The following PDE9A variants were observed in gnomAD, a reference collection of about 807,000 sequenced individuals.
PDE9A encodes the protein high affinity cGMP-specific 3',5'-cyclic phosphodiesterase 9A.
Under a neutral mutation model 87.4 loss-of-function variants are expected in PDE9A, and 60 were observed. That is an observed-to-expected ratio of 0.69 (90% CI 0.56 to 0.85). The LOEUF is 0.85. PDE9A is among the 40% of genes least tolerant of loss of function. PDE9A has a pLI of 0.00. For synonymous variants in PDE9A, 272 were observed against 279.4 expected (o/e 0.97, Z 0.27); for missense variants, 665 against 779.0 (o/e 0.85, Z 1.74).
chr21:42,758,923 G>A (rs1480856595), intron 10 of PDE9A, 76 bp from the exon 11 acceptor site: 1 of 1,132,356 alleles, frequency 8.8e-7, no homozygotes, highest in East Asian at 2.4e-5. Context: ...TCCGAGGACA[G>A]CAGAGGGAAG....
intron 1 of PDE9A, among the ~76,000 whole-genome samples, chr21:42,674,316 C>CT (rs34238765): frequency 0.31 from 41,263 of 134,494 alleles, 7,781 homozygotes; most frequent in Admixed American, 0.44. Flanking sequence ...TTTAGACATT[C>CT]TTTTTTTTTT....
At chr21:42,709,211 C>G (rs968999806) in intron 4 of PDE9A, among the ~76,000 whole-genome samples, 4 of 152,118 alleles carry the variant, frequency 2.6e-5, no homozygotes, top group African/African-American at 9.7e-5. Context: ...AACAGAAAAC[C>G]AAACACCACA....
At chr21:42,721,105 A>G (rs2050477699) in intron 4 of PDE9A, among the ~76,000 whole-genome samples, 1 of 152,116 alleles carries the variant, frequency 6.6e-6, no homozygotes, top group Admixed American at 6.5e-5. Context: ...ACCTTGATCT[A>G]TACAACAGTA....
chr21:42,702,190 G>C lies in PDE9A; in HGVS notation c.262+3179G>C, dbSNP rs1342461805. 3.3e-5 allele frequency among the ~76,000 whole-genome samples: 5 copies of C among 151,004 alleles called. No homozygotes were observed. The highest frequency in any genetic ancestry group is 2.1e-4 in the South Asian group (1 of 4,750). ...TTTTCTGTTTGCTTTATTTTTCTTA[G>C]ACTTTTCCGTGACGTCTTCCATTGC... is the stretch of plus-strand genomic sequence containing the variant. On this transcript the variant is annotated intron_variant, in intron 4 of 19. Transcript: ENST00000291539. This position sits in a 1 kb window ranked among gnomAD's most constrained non-coding sequence, Gnocchi z 4.9.
At chr21:42,657,024 C>G (rs566841747) in intron 1 of PDE9A, among the ~76,000 whole-genome samples, 1 of 152,340 alleles carries the variant, frequency 6.6e-6, no homozygotes, top group Non-Finnish European at 1.5e-5. Context: ...AAGGCAACTA[C>G]AAATGATAAA....
rs558174376 is a variant in PDE9A at position 42,705,359 on chromosome 21, A to G, written c.262+6348A>G. The stretch of plus-strand genomic sequence containing the variant: ...ACTTTTATTTGATGTAAGCCGCTCA[A>G]ACTCAAAGAGTGTTGTTTTCCAGAT... On this transcript the variant is annotated intron_variant, in intron 4 of 19. Coordinates refer to ENST00000291539, the MANE Select transcript of PDE9A (RefSeq NM_002606.3). This position sits in a 1 kb window ranked among gnomAD's most constrained non-coding sequence, Gnocchi z 4.3. Among the ~76,000 whole-genome samples the G allele has an allele frequency of 5.3e-4, 81 of 152,326 alleles. 1 individual carries two copies. The highest frequency in any genetic ancestry group is 1.8e-3 in the African/African-American group (74 of 41,570).
intron 19 of PDE9A, among the ~76,000 whole-genome samples, chr21:42,773,579 G>A (rs770137639): frequency 6.6e-6 from 1 of 152,124 alleles, no homozygotes; most frequent in Admixed American, 6.5e-5. Context: ...AGGCCAAGGC[G>A]GCGGATCACG....
intron 7 of PDE9A, chr21:42,734,141 C>T (rs2052132287): frequency 6.6e-6 from 1 of 152,062 alleles, no homozygotes; most frequent in African/African-American, 2.4e-5. Flanking sequence ...GCCAATCAAA[C>T]CTCTTTTGCT....
intron 19 of PDE9A, 144 bp downstream of exon 19, chr21:42,772,664 G>A (rs967797018): frequency 9.8e-6 from 6 of 613,706 alleles, no homozygotes; most frequent in South Asian, 1.9e-5. Context: ...ACTAAGTCTC[G>A]CTCTTGTTGC....
intron 15 of PDE9A, 76 bp from the exon 16 acceptor site, chr21:42,768,112 A>C (rs962100722): frequency 6.8e-6 from 6 of 885,810 alleles, no homozygotes; most frequent in Admixed American, 5.2e-5. Context: ...CTGTAATGGC[A>C]AGTCCAGACC....
chr21:42,726,269 T>A (rs1273862204), intron 4 of PDE9A, among the ~76,000 whole-genome samples: 1 of 152,176 alleles, frequency 6.6e-6, no homozygotes, highest in Non-Finnish European at 1.5e-5. Context: ...GCTTGTCTTG[T>A]CATCCTCTTA....
chr21:42,715,179 G>A (rs962921638), intron 4 of PDE9A, among the ~76,000 whole-genome samples: 1 of 136,420 alleles, frequency 7.3e-6, no homozygotes, highest in African/African-American at 2.8e-5. Context: ...GTTACAATAT[G>A]CATCTTTACT....
At chr21:42,731,979 C>T (rs370797272) in intron 5 of PDE9A, 30 bp downstream of exon 5, 76 of 1,611,752 alleles carry the variant, frequency 4.7e-5, no homozygotes, top group Non-Finnish European at 6.2e-5. Context: ...CCACAGCCTC[C>T]ACCCCCCAAC....
In PDE9A at chr21:42,723,821, A is replaced by G. The variant is rs551496248; in HGVS notation, c.263-7949A>G. ...CCAGAGGGACCCTAAAGACCCTGTC[A>G]TGTCCCCCTGTGAATTACCAGCATC... is the stretch of plus-strand genomic sequence containing the variant. On this transcript the variant is annotated intron_variant, in intron 4 of 19. Transcript: ENST00000291539. The surrounding 1 kb of genome is among the most constrained non-coding windows in gnomAD (Gnocchi z 4.3). 6.6e-5 allele frequency among the ~76,000 whole-genome samples: 10 copies of G among 152,332 alleles called. No homozygotes were observed. The South Asian group carries it at 2.1e-3, about 32-fold the overall frequency.
At chr21:42,672,883 T>A (rs2058640489) in intron 1 of PDE9A, among the ~76,000 whole-genome samples, 1 of 152,066 alleles carries the variant, frequency 6.6e-6, no homozygotes. Context: ...CATCCCCGAG[T>A]TAAGACAGGC....
intron 17 of PDE9A, among the ~76,000 whole-genome samples, chr21:42,769,653 GGCA>G (rs2056818741): frequency 2.5e-5 from 1 of 39,886 alleles, no homozygotes; most frequent in African/African-American, 2.2e-4. Context: ...GGGACACACA[GGCA>G]CACATAGGCA....
rs2048777283 is a variant in PDE9A, at chr21:42,705,754, C to T, written c.262+6743C>T. On this transcript the variant is annotated intron_variant, in intron 4 of 19. Transcript: ENST00000291539. This position sits in a 1 kb window ranked among gnomAD's most constrained non-coding sequence, Gnocchi z 4.3. ...TTAACCCAAGTGATGACAGCCTCTT[C>T]AACTAGGACAGTGCTGTAGGGGTCT... Among the ~76,000 whole-genome samples, 1 of 152,158 alleles carries T rather than the reference C, an allele frequency of 6.6e-6. No homozygotes were observed. Among genetic ancestry groups the T allele is most frequent in the Admixed American group, 6.5e-5 (1 of 15,288 alleles).
chr21:42,717,581 G>A (rs1407011767), intron 4 of PDE9A, among the ~76,000 whole-genome samples: 6 of 151,064 alleles, frequency 4.0e-5, no homozygotes, highest in Middle Eastern at 3.4e-3. Flanking sequence ...TAGTAGAGAC[G>A]AGGTTTCACC....
rs2145804914 is a variant in PDE9A, at chr21:42,659,552, T to TGCCA, written c.69+5670_69+5673dup. Among the ~76,000 whole-genome samples, 1 of 152,318 alleles carries TGCCA rather than the reference T, an allele frequency of 6.6e-6. No homozygotes were observed. Among genetic ancestry groups the TGCCA allele is most frequent in the South Asian group, 2.1e-4 (1 of 4,826 alleles). On this transcript the variant is annotated intron_variant, in intron 1 of 19. Coordinates refer to ENST00000291539, the MANE Select transcript of PDE9A (RefSeq NM_002606.3). This position sits in a 1 kb window ranked among gnomAD's most constrained non-coding sequence, Gnocchi z 4.1. Reference sequence around the variant, plus strand: ...CAGGGCATGTGGGGAGGCTCAGGAATGCCACCCTTGCCCTCAGGCCTGGGC... The same window carrying TGCCA: ...CAGGGCATGTGGGGAGGCTCAGGAATGCCAGCCACCCTTGCCCTCAGGCCTGGGC...
Sources: allele counts gnomAD v4.1 joint callset (sites outside exome capture counted in the v4.1 genomes callset), GRCh38; gene constraint gnomAD v4.1.1; non-coding constraint Gnocchi (gnomAD v3.1); transcripts MANE v1.5; gene names NCBI Gene and HGNC (gene_info 2026-07-23, HGNC 2026-07-21).